KCNK13: variants seen among roughly 807,000 people sequenced by gnomAD.
KCNK13 encodes potassium channel subfamily K member 13.
Under a neutral mutation model 23.4 loss-of-function variants are expected in KCNK13, and 12 were observed. That is an observed-to-expected ratio of 0.51 (90% CI 0.33 to 0.83). The LOEUF is 0.83. KCNK13 is among the 40% of genes least tolerant of loss of function. The pLI is 0.02. For missense variants in KCNK13, 463 were observed against 556.3 expected, an observed-to-expected ratio of 0.83 and a Z score of 1.69; for synonymous variants, 231 against 229.5, an observed-to-expected ratio of 1.01 and a Z score of -0.06.
intron 1 of KCNK13, among the ~76,000 whole-genome samples, chr14:90,100,653 A>T (rs756572846): frequency 3.9e-5 from 6 of 152,178 alleles, no homozygotes; most frequent in Non-Finnish European, 8.8e-5. Context: ...TAGTCTGAAG[A>T]CCTGCAACTT....
At chr14:90,073,967 G>A (rs529434406) in intron 1 of KCNK13, among the ~76,000 whole-genome samples, 89 of 150,912 alleles carry the variant, frequency 5.9e-4, no homozygotes, top group African/African-American at 1.9e-3. Flanking sequence ...GAGCCACTGC[G>A]CCCGACCAAG....
At chr14:90,119,467 G>C (rs1289345012) in intron 1 of KCNK13, among the ~76,000 whole-genome samples, 1 of 152,106 alleles carries the variant, frequency 6.6e-6, no homozygotes, top group African/African-American at 2.4e-5. Flanking sequence ...CTTTATTTCT[G>C]GGATGCAAGG....
chr14:90,132,396 T>G (rs370877265), intron 1 of KCNK13, among the ~76,000 whole-genome samples: 2 of 152,060 alleles, frequency 1.3e-5, no homozygotes, highest in South Asian at 4.2e-4. Flanking sequence ...ATACAAAAAA[T>G]TAGCCGGTGT....
chr14:90,104,937 G>A (rs1443495117), intron 1 of KCNK13, among the ~76,000 whole-genome samples: 3 of 137,194 alleles, frequency 2.2e-5, no homozygotes, highest in African/African-American at 8.3e-5. Context: ...TTACAGGCAT[G>A]CACCACCATG....
chr14:90,135,065 G>A (rs748188178), intron 1 of KCNK13, among the ~76,000 whole-genome samples: 18 of 152,200 alleles, frequency 1.2e-4, no homozygotes, highest in Admixed American at 4.6e-4. Context: ...TACATTGCAC[G>A]TTGTTAAATC....
At chr14:90,172,603 T>TA (rs2140444345) in intron 1 of KCNK13, among the ~76,000 whole-genome samples, 1 of 149,948 alleles carries the variant, frequency 6.7e-6, no homozygotes, top group South Asian at 2.1e-4. Context: ...CACTTCAGTG[T>TA]AAAGTGTTAC....
intron 1 of KCNK13, among the ~76,000 whole-genome samples, chr14:90,180,573 T>TC (rs1566653681): frequency 6.6e-6 from 1 of 152,184 alleles, no homozygotes; most frequent in South Asian, 2.1e-4. Context: ...ATGGCAGTCA[T>TC]CCATCAAACA....
intron 1 of KCNK13, among the ~76,000 whole-genome samples, chr14:90,131,291 G>A (rs1889867240): frequency 6.6e-6 from 1 of 151,834 alleles, no homozygotes; most frequent in African/African-American, 2.4e-5. Flanking sequence ...GAGTGTAGTG[G>A]CGTGATCTCA....
intron 1 of KCNK13, chr14:90,107,770 C>T: frequency 1.2e-6 from 1 of 826,586 alleles, no homozygotes; most frequent in Non-Finnish European, 2.1e-6. Flanking sequence ...CCCAAGAGAT[C>T]CTCAGTCAAC....
At chr14:90,080,560 T>A (rs549406567) in intron 1 of KCNK13, among the ~76,000 whole-genome samples, 97 of 152,322 alleles carry the variant, frequency 6.4e-4, no homozygotes, top group African/African-American at 2.3e-3. Context: ...AATGTTTTAT[T>A]GTTACTATCT....
intron 1 of KCNK13, among the ~76,000 whole-genome samples, chr14:90,092,031 C>G (rs554102093): frequency 3.3e-5 from 5 of 151,466 alleles, no homozygotes; most frequent in Non-Finnish European, 4.4e-5. Flanking sequence ...ACGCCATTCT[C>G]CTGCCTCAGC....
At chr14:90,138,099 G>A (rs1889960153) in intron 1 of KCNK13, among the ~76,000 whole-genome samples, 1 of 152,032 alleles carries the variant, frequency 6.6e-6, no homozygotes, top group Non-Finnish European at 1.5e-5. Context: ...GAAAGTCAAA[G>A]CAATTAATTT....
rs143645820 is a variant in KCNK13 at position 90,171,690 on chromosome 14, T to C, written c.335-12421T>C. 6.4e-3 allele frequency among the ~76,000 whole-genome samples: 967 copies of C among 152,222 alleles called. 7 individuals are homozygous for C. Among genetic ancestry groups the C allele is most frequent in the African/African-American group, 0.022 (933 of 41,538 alleles). On this transcript the variant is annotated intron_variant, in intron 1 of 1. Transcript: ENST00000282146. Reference sequence around the variant, plus strand: ...AAGTGGGGAGGGAGCTTCCAAGTCATAGGTAGGTGAGAGACAAATGGTTAC... The same window carrying C: ...AAGTGGGGAGGGAGCTTCCAAGTCACAGGTAGGTGAGAGACAAATGGTTAC...
At chr14:90,167,620 G>C (rs1429443605) in intron 1 of KCNK13, among the ~76,000 whole-genome samples, 1 of 152,150 alleles carries the variant, frequency 6.6e-6, no homozygotes, top group Non-Finnish European at 1.5e-5. Context: ...TGCCACACTA[G>C]AAAACACTGC....
Position 90,167,989 on chromosome 14 carries a change from A to G in KCNK13, c.335-16122A>G, listed in dbSNP as rs563448613. ...AGCAACTATTTTCCTGTCGGCCACA[A>G]GGCCCCACGGTTAACCCAGAACTTC... On this transcript the variant is annotated intron_variant, in intron 1 of 1. Transcript: ENST00000282146. Among the ~76,000 whole-genome samples the G allele has an allele frequency of 3.9e-5, 6 of 152,278 alleles. No homozygotes were observed. In the South Asian group the frequency reaches 1.2e-3, roughly 32 times the overall value.
Position 90,182,507 on chromosome 14 carries a change from T to C in KCNK13, c.335-1604T>C, listed in dbSNP as rs1251110303. Among the ~76,000 whole-genome samples the C allele has an allele frequency of 4.6e-5, 7 of 152,102 alleles. No individual in the cohort carries two copies. In the East Asian group the frequency reaches 1.3e-3, roughly 29 times the overall value. ...GTGATCCAAACGATGGGACCCAAGTTAGAAATTTGAACTTGAAAATAAGGA... is the reference window on the plus strand; with the variant it reads ...GTGATCCAAACGATGGGACCCAAGTCAGAAATTTGAACTTGAAAATAAGGA... On this transcript the variant is annotated intron_variant, in intron 1 of 1. Coordinates refer to ENST00000282146, the MANE Select transcript of KCNK13 (RefSeq NM_022054.4).
chr14:90,143,189 TCTTTCTTTCTTTTCTTTC>T (rs1890034014), intron 1 of KCNK13, among the ~76,000 whole-genome samples: 7 of 133,132 alleles, frequency 5.3e-5, no homozygotes, highest in South Asian at 3.2e-4. Context: ...TCTTTTCTTT[TCTTTCTTTCTTTTCTTTC>T]TTTTCTTTTT....
intron 1 of KCNK13, among the ~76,000 whole-genome samples, chr14:90,099,707 G>C (rs935727515): frequency 2.6e-5 from 4 of 152,138 alleles, no homozygotes; most frequent in Non-Finnish European, 5.9e-5. Context: ...CAAGCCAACA[G>C]CCGTGACAAC....
Position 90,184,279 on chromosome 14 carries a change from G to C in KCNK13, c.503G>C (p.Arg168Pro). 1 of 1,614,228 alleles carries C rather than the reference G, an allele frequency of 6.2e-7. No homozygotes were observed. The highest frequency in any genetic ancestry group is 1.1e-5 in the South Asian group (1 of 91,078). ...KSCHQRQLRRRGALPQESLKD... is the reference protein window; with the variant it reads ...KSCHQRQLRRPGALPQESLKD... The stretch of plus-strand genomic sequence containing the variant: ...TGCCACCAGCGGCAGCTCCGGAGAC[G>C]AGGGGCCCTGCCCCAGGAGAGCCTG... Residue 168 changes from arginine (R) to proline (P), a missense_variant, in exon 2 of 2, where the codon CGA becomes CCA. Arg to Pro is a moderately radical substitution (Grantham distance 103, BLOSUM62 -2). Transcript: ENST00000282146. The surrounding 1 kb of genome is among the most constrained non-coding windows in gnomAD (Gnocchi z 5.6).
Sources: allele counts gnomAD v4.1 joint callset (sites outside exome capture counted in the v4.1 genomes callset), GRCh38; gene constraint gnomAD v4.1.1; non-coding constraint Gnocchi (gnomAD v3.1); transcripts MANE v1.5; gene names NCBI Gene and HGNC (gene_info 2026-07-23, HGNC 2026-07-21).